Variants in PRKG1 observed in about 807,000 individuals in gnomAD.
The protein encoded by PRKG1 is cGMP-dependent protein kinase 1.
PRKG1 carries 35 observed loss-of-function variants against 88.1 expected under a neutral mutation model. The ratio of observed to expected loss-of-function variants is 0.40; its 90% CI spans 0.30 to 0.53. The LOEUF is 0.53. Among genes scored for constraint, PRKG1 ranks in the 20% least tolerant of loss-of-function variants. The pLI is 0.59. For missense variants in PRKG1, 540 were observed against 839.8 expected (o/e 0.64, Z 4.41); for synonymous variants, 303 against 292.5 (o/e 1.04, Z -0.37).
At chr10:51,952,201 G>C (rs577220719) in intron 5 of PRKG1, among the ~76,000 whole-genome samples, 11 of 152,338 alleles carry the variant, frequency 7.2e-5, no homozygotes, top group African/African-American at 1.9e-4. Flanking sequence ...AAACTGACCT[G>C]ATGTTTGTCC....
intron 5 of PRKG1, among the ~76,000 whole-genome samples, chr10:51,992,896 T>C (rs1844348905): frequency 6.6e-6 from 1 of 152,198 alleles, no homozygotes; most frequent in African/African-American, 2.4e-5. Flanking sequence ...TAGAGTGATC[T>C]GTTAGTTTTA....
intron 3 of PRKG1, among the ~76,000 whole-genome samples, chr10:51,550,290 A>G (rs1176909515): frequency 3.3e-5 from 5 of 152,102 alleles, no homozygotes; most frequent in South Asian, 4.1e-4. Flanking sequence ...AGTTAAGAAA[A>G]CAAAAATCAT....
intron 7 of PRKG1, among the ~76,000 whole-genome samples, chr10:52,118,403 A>C (rs1847738411): frequency 6.6e-6 from 1 of 151,968 alleles, no homozygotes; most frequent in Admixed American, 6.5e-5. Context: ...TAATGCATAC[A>C]TATCTACATA....
chr10:51,229,926 C>CAAAAAAAAAAAAAA (rs35300789), intron 2 of PRKG1, among the ~76,000 whole-genome samples: 9 of 33,458 alleles, frequency 2.7e-4, no homozygotes, highest in East Asian at 8.8e-4. Context: ...GAGGCGATCT[C>CAAAAAAAAAAAAAA]AAAAAAAAAA....
chr10:51,300,682 T>C lies in PRKG1; in HGVS notation c.478+147352T>C, dbSNP rs189724899. On this transcript the variant is annotated intron_variant, in intron 2 of 17. Coordinates refer to ENST00000373980, the MANE Select transcript of PRKG1 (RefSeq NM_006258.4). ...TAACTGTTTCTGTGGACCCCAGCAATGGTACCTTCTTTTACAAAACAATGT... is the reference window on the plus strand; with the variant it reads ...TAACTGTTTCTGTGGACCCCAGCAACGGTACCTTCTTTTACAAAACAATGT... Among the ~76,000 whole-genome samples, 38 of 152,338 alleles carry C rather than the reference T, an allele frequency of 2.5e-4. No homozygotes were observed. In the East Asian group the frequency reaches 7.1e-3, roughly 29 times the overall value.
chr10:51,808,667 G>T (rs1459885145), intron 4 of PRKG1, among the ~76,000 whole-genome samples: 2 of 152,174 alleles, frequency 1.3e-5, no homozygotes, highest in African/African-American at 2.4e-5. Flanking sequence ...TAAAAATATT[G>T]ACTTTAAGTG....
chr10:52,192,276 T>C (rs143377104), intron 9 of PRKG1, among the ~76,000 whole-genome samples: 2 of 152,262 alleles, frequency 1.3e-5, no homozygotes, highest in East Asian at 3.9e-4. Context: ...GTACATTTCC[T>C]CCCCTGGACC....
At chr10:51,147,323 G>A (rs574961742) in intron 1 of PRKG1, among the ~76,000 whole-genome samples, 5 of 151,922 alleles carry the variant, frequency 3.3e-5, no homozygotes, top group Admixed American at 6.6e-5. Context: ...AATGTTTAAC[G>A]TGATGGATAT....
chr10:51,675,885 TCCTC>T (rs2132357287), intron 3 of PRKG1, among the ~76,000 whole-genome samples: 1 of 152,218 alleles, frequency 6.6e-6, no homozygotes, highest in South Asian at 2.1e-4. Context: ...TTCTCTGAAA[TCCTC>T]CCAGTCAAGC....
At chr10:51,880,301 C>A (rs991660402) in intron 4 of PRKG1, among the ~76,000 whole-genome samples, 2 of 151,062 alleles carry the variant, frequency 1.3e-5, no homozygotes, top group African/African-American at 4.9e-5. Flanking sequence ...TTGAAACTTA[C>A]ATTATGTAAT....
At chr10:51,357,212 T>A (rs1406593970) in intron 2 of PRKG1, among the ~76,000 whole-genome samples, 2 of 152,060 alleles carry the variant, frequency 1.3e-5, no homozygotes, top group Admixed American at 1.3e-4. Flanking sequence ...AGTAGGCAAG[T>A]AGATTTTTAG....
chr10:51,261,633 A>T (rs1418199265), intron 2 of PRKG1, among the ~76,000 whole-genome samples: 5 of 152,218 alleles, frequency 3.3e-5, no homozygotes, highest in Non-Finnish European at 7.3e-5. Flanking sequence ...AATGCAAAGA[A>T]TATCTTAAGA....
chr10:52,233,533 G>C (rs1225945072), intron 9 of PRKG1, among the ~76,000 whole-genome samples: 4 of 148,212 alleles, frequency 2.7e-5, no homozygotes, highest in Non-Finnish European at 4.5e-5. Flanking sequence ...TTCCCTTTCC[G>C]AGTCAAAGAA....
At chr10:51,585,319 CA>C in intron 3 of PRKG1, among the ~76,000 whole-genome samples, 1 of 151,972 alleles carries the variant, frequency 6.6e-6, no homozygotes, top group East Asian at 1.9e-4. Flanking sequence ...TATTAATATT[CA>C]AAGCTGATTC....
chr10:51,741,779 G>GC (rs1437185535), intron 3 of PRKG1, among the ~76,000 whole-genome samples: 2 of 152,016 alleles, frequency 1.3e-5, no homozygotes, highest in African/African-American at 4.8e-5. Flanking sequence ...AAGGTTCTTC[G>GC]CATTTACCTG....
intron 3 of PRKG1, among the ~76,000 whole-genome samples, chr10:51,687,442 A>C (rs1482471221): frequency 6.6e-6 from 1 of 152,190 alleles, no homozygotes; most frequent in African/African-American, 2.4e-5. Flanking sequence ...ACTGAATCAT[A>C]AGCATGCTGA....
At chr10:52,212,218 C>T (rs1589703828) in intron 9 of PRKG1, among the ~76,000 whole-genome samples, 1 of 152,330 alleles carries the variant, frequency 6.6e-6, no homozygotes, top group Admixed American at 6.5e-5. Flanking sequence ...GGATTGGTTA[C>T]AGCTCAGCAT....
rs889534179 is a variant in PRKG1, at chr10:51,841,665, C to A, written c.698+36975C>A. On this transcript the variant is annotated intron_variant, in intron 4 of 17. Transcript: ENST00000373980. ...GACTGAATTTGTTAAAAAAAAAAGACCAAAATATGGTTTTTATGTGTTTTT... is the reference window on the plus strand; with the variant it reads ...GACTGAATTTGTTAAAAAAAAAAGAACAAAATATGGTTTTTATGTGTTTTT... Among the ~76,000 whole-genome samples the A allele has an allele frequency of 7.3e-5, 11 of 151,724 alleles. No homozygotes were observed. In the Middle Eastern group the frequency reaches 0.01, roughly 141 times the overall value.
At chr10:51,883,867 A>G (rs1256683919) in intron 4 of PRKG1, among the ~76,000 whole-genome samples, 1 of 152,188 alleles carries the variant, frequency 6.6e-6, no homozygotes, top group Non-Finnish European at 1.5e-5. Flanking sequence ...GTGTCCTTCC[A>G]GGAGGTAGAA....
Sources: gnomAD v4.1 joint callset for allele counts (sites outside exome capture counted in the v4.1 genomes callset) on GRCh38, gnomAD v4.1.1 for gene constraint, MANE v1.5 for transcripts, NCBI Gene and HGNC (gene_info 2026-07-23, HGNC 2026-07-21) for gene names.